Variants in PI4KA observed in about 807,000 individuals in gnomAD.
The protein encoded by PI4KA is PI4-kinase alpha.
PI4KA carries 122 observed loss-of-function variants against 271.4 expected under a neutral mutation model. The ratio of observed to expected loss-of-function variants is 0.45; its 90% CI spans 0.39 to 0.52. The LOEUF (loss-of-function observed/expected upper bound fraction) is 0.52. PI4KA is among the 20% of genes least tolerant of loss of function. The probability of loss-of-function intolerance (pLI) is 0.00; values close to 1 mark genes in which losing one functional copy is unlikely to be tolerated. For missense variants in PI4KA, 1,969 were observed against 2,769.1 expected (o/e 0.71, Z 6.48); for synonymous variants, 1,041 against 1,078.8 (o/e 0.96, Z 0.69).
At chr22:20,757,401 C>A (rs738061) in intron 23 of PI4KA, among the ~76,000 whole-genome samples, 1 of 151,576 alleles carries the variant, frequency 6.6e-6, no homozygotes, top group Non-Finnish European at 1.5e-5. Flanking sequence ...AATCAGTCCC[C>A]CGGAACAATT....
At chr22:20,710,150 T>A in intron 52 of PI4KA, 153 bp from the exon 53 acceptor site, 1 of 672,514 alleles carries the variant, frequency 1.5e-6, no homozygotes, top group Non-Finnish European at 2.8e-6. Context: ...GAGGCAACTT[T>A]CGATCTGCTG....
chr22:20,750,142 G>C, intron 27 of PI4KA, 148 bp from the exon 28 acceptor site: 4 of 625,930 alleles, frequency 6.4e-6, no homozygotes, highest in Non-Finnish European at 1.2e-5. Context: ...CTCATTTGGA[G>C]ATAGGGCTTT....
At chr22:20,837,246 C>T (rs974695583) in intron 2 of PI4KA, among the ~76,000 whole-genome samples, 1 of 152,090 alleles carries the variant, frequency 6.6e-6, no homozygotes, top group Admixed American at 6.6e-5. Flanking sequence ...AAAATCATGC[C>T]AATGCCTATA....
chr22:20,764,761 TG>T, intron 22 of PI4KA, 55 bp downstream of exon 22: 1 of 1,525,152 alleles, frequency 6.6e-7, no homozygotes, highest in Non-Finnish European at 8.8e-7. Flanking sequence ...GGCACAAAAA[TG>T]AAAACCCTGC....
intron 3 of PI4KA, among the ~76,000 whole-genome samples, chr22:20,830,425 T>C (rs181797799): frequency 1.6e-4 from 25 of 152,364 alleles, no homozygotes; most frequent in Non-Finnish European, 2.4e-4. Context: ...GTGATCTTCG[T>C]TGGTTGGAAG....
At chr22:20,838,492 C>T in intron 2 of PI4KA, 123 bp downstream of exon 2, 2 of 657,566 alleles carry the variant, frequency 3.0e-6, no homozygotes, top group Non-Finnish European at 5.4e-6. Context: ...CCACTAACCA[C>T]TTTGATTAGG....
chr22:20,718,994 G>A (rs1386531439), intron 43 of PI4KA, among the ~76,000 whole-genome samples, 172 bp from the exon 44 acceptor site: 2 of 152,350 alleles, frequency 1.3e-5, no homozygotes, highest in South Asian at 4.1e-4. Flanking sequence ...CACAGCTGAC[G>A]CTGCTGGGAA....
At chr22:20,836,224 G>A (rs1924851743) in intron 2 of PI4KA, among the ~76,000 whole-genome samples, 1 of 152,066 alleles carries the variant, frequency 6.6e-6, no homozygotes, top group African/African-American at 2.4e-5. Context: ...CCCAGCTTTT[G>A]AGCCACCCCA....
Position 20,779,844 on chromosome 22 carries a change from C to T in PI4KA, c.2328+13349G>A, listed in dbSNP as rs888690062. 2 of 1,614,104 alleles carry T rather than the reference C, an allele frequency of 1.2e-6. No homozygotes were observed. Among genetic ancestry groups the T allele is most frequent in the Non-Finnish European group, 8.5e-7 (1 of 1,180,054 alleles). Reference sequence around the variant, plus strand: ...GAAGGGAGAGACCCATGAACAAGTGCACTCGATTTTGCATTTTAAAGACTT... The same window carrying T: ...GAAGGGAGAGACCCATGAACAAGTGTACTCGATTTTGCATTTTAAAGACTT... On this transcript the variant is annotated intron_variant, in intron 19 of 54. Transcript: ENST00000255882.
chr22:20,742,173 T>TTCCCGTCTGTTATCCCA, intron 32 of PI4KA, 55 bp downstream of exon 32: 1 of 1,580,132 alleles, frequency 6.3e-7, no homozygotes, highest in South Asian at 1.2e-5. Flanking sequence ...GGGAAGGCTC[T>TTCCCGTCTGTTATCCCA]TCCCGTCTGT....
At chr22:20,810,052 A>C (rs1316895832) in intron 9 of PI4KA, among the ~76,000 whole-genome samples, 1 of 152,200 alleles carries the variant, frequency 6.6e-6, no homozygotes, top group Admixed American at 6.5e-5. Context: ...GGTCAGGGAC[A>C]TACCCATGGT....
At chr22:20,760,437 G>A (rs185904194) in intron 23 of PI4KA, among the ~76,000 whole-genome samples, 1 of 152,174 alleles carries the variant, frequency 6.6e-6, no homozygotes, top group East Asian at 1.9e-4. Context: ...TTCCTTTGTT[G>A]TCTCTATTTT....
At chr22:20,814,477 T>C (rs1921490635) in intron 7 of PI4KA, among the ~76,000 whole-genome samples, 1 of 152,170 alleles carries the variant, frequency 6.6e-6, no homozygotes, top group African/African-American at 2.4e-5. Flanking sequence ...AGGCCAAGCA[T>C]GGTGGCTCAT....
At chr22:20,756,603 A>C (rs545738790) in intron 23 of PI4KA, among the ~76,000 whole-genome samples, 11 of 152,036 alleles carry the variant, frequency 7.2e-5, no homozygotes, top group Admixed American at 6.6e-4. Flanking sequence ...ATGCCAATCA[A>C]TGTCATGTAG....
chr22:20,831,574 C>CAAACAAAAAAACAA (rs982648420), intron 3 of PI4KA, among the ~76,000 whole-genome samples: 7 of 142,922 alleles, frequency 4.9e-5, no homozygotes, highest in African/African-American at 1.9e-4. Context: ...TCTCAAAACA[C>CAAACAAAAAAACAA]AAACAAAAAC....
intron 4 of PI4KA, among the ~76,000 whole-genome samples, chr22:20,821,359 C>T (rs1922632618): frequency 6.6e-6 from 1 of 152,016 alleles, no homozygotes; most frequent in African/African-American, 2.4e-5. Flanking sequence ...GCTAAGATTA[C>T]AGGTGCATGC....
intron 46 of PI4KA, 49 bp downstream of exon 46, chr22:20,714,579 T>C (rs1157999430): frequency 1.2e-6 from 2 of 1,613,944 alleles, no homozygotes; most frequent in Admixed American, 1.7e-5. Flanking sequence ...GAGAAAAACT[T>C]CGCACGCGGA....
At chr22:20,772,700 T>C (rs1321788580) in intron 19 of PI4KA, among the ~76,000 whole-genome samples, 2 of 152,216 alleles carry the variant, frequency 1.3e-5, no homozygotes, top group African/African-American at 4.8e-5. Flanking sequence ...AACATGCTCT[T>C]GAGGAGCAGT....
intron 1 of PI4KA, among the ~76,000 whole-genome samples, chr22:20,844,803 T>C (rs890401619): frequency 1.3e-5 from 2 of 152,242 alleles, no homozygotes; most frequent in Non-Finnish European, 2.9e-5. Flanking sequence ...CTATTATTAA[T>C]CATCCCCCTT....
Sources: allele counts gnomAD v4.1 joint callset (sites outside exome capture counted in the v4.1 genomes callset), GRCh38; gene constraint gnomAD v4.1.1; transcripts MANE v1.5; gene names NCBI Gene and HGNC (gene_info 2026-07-23, HGNC 2026-07-21).